Variants in CCDC88A observed in about 807,000 individuals in gnomAD.
CCDC88A encodes coiled-coil and HOOK domain protein 88A, also known as girdin.
A neutral mutation model predicts 234.3 loss-of-function variants in CCDC88A; 54 were observed. The observed-to-expected ratio is 0.23, with a 90% CI of 0.19 to 0.29. The LOEUF is 0.29. Among genes scored for constraint, CCDC88A ranks in the 10% least tolerant of loss-of-function variants. The probability of loss-of-function intolerance (pLI) is 1.00; values close to 1 mark genes in which losing one functional copy is unlikely to be tolerated. For missense variants in CCDC88A, 1,832 were observed against 2,123.4 expected, an observed-to-expected ratio of 0.86 and a Z score of 2.70; for synonymous variants, 753 against 737.8, an observed-to-expected ratio of 1.02 and a Z score of -0.33.
At chr2:55,399,330 G>C (rs919554448) in intron 2 of CCDC88A, among the ~76,000 whole-genome samples, 3 of 151,848 alleles carry the variant, frequency 2.0e-5, no homozygotes, top group Non-Finnish European at 2.9e-5. Flanking sequence ...TTCAAGACCA[G>C]CCTGGCCAAG....
rs866138534 is a variant in CCDC88A, at chr2:55,374,841, A to C, written c.316T>G (p.Leu106Val). 12 of 1,608,670 alleles carry C rather than the reference A, an allele frequency of 7.5e-6. 1 individual carries two copies. Among genetic ancestry groups the C allele is most frequent in the African/African-American group, 4.0e-5 (3 of 74,868 alleles). Residue 106 changes from leucine to valine, a missense_variant, in exon 4 of 33, where the codon TTA becomes GTA. This residue lies in a region of CCDC88A where 84 missense variants were observed against 80.9 expected (regional missense o/e 1.04). Coordinates refer to ENST00000436346, the MANE Select transcript of CCDC88A (RefSeq NM_001365480.1). Reference protein sequence around the residue: ...QLIMMSLPNVLIIGKNPFSEQ... With the variant: ...QLIMMSLPNVVIIGKNPFSEQ... ...GAAAAGGGATTTTTGCCAATGATTA[A>C]GACATTTGGCAACGACATCATGATC... is the stretch of plus-strand genomic sequence containing the variant.
rs748338045 is a variant in CCDC88A at position 55,355,598 on chromosome 2, T to G, written c.781A>C (p.Arg261=). The G allele has an allele frequency of 2.5e-6, 4 of 1,614,106 alleles. No individual in the cohort carries two copies. Among genetic ancestry groups the G allele is most frequent in the Admixed American group, 3.3e-5 (2 of 60,028 alleles). The change falls in exon 8 of 33, where the codon AGA becomes CGA. Residue 261 remains arginine, a synonymous_variant. Coordinates refer to ENST00000436346, the MANE Select transcript of CCDC88A (RefSeq NM_001365480.1). ...ACTTACAATTCCTGCCTAAGCCTTCTTATCTTGGCTTTAGCATCTGCCAGT... is the reference window on the plus strand; with the variant it reads ...ACTTACAATTCCTGCCTAAGCCTTCGTATCTTGGCTTTAGCATCTGCCAGT... ...VELADAKAKI[R]RLRQELEEKT...
chr2:55,383,545 C>T (rs1346207116), intron 3 of CCDC88A, among the ~76,000 whole-genome samples: 2 of 151,374 alleles, frequency 1.3e-5, no homozygotes, highest in Non-Finnish European at 2.9e-5. Flanking sequence ...ATCGCTTGAA[C>T]CCGGGAGGCG....
chr2:55,299,062 G>T (rs1199214850), intron 29 of CCDC88A, among the ~76,000 whole-genome samples: 1 of 152,020 alleles, frequency 6.6e-6, no homozygotes, highest in Non-Finnish European at 1.5e-5. Context: ...TTAGCTGGGT[G>T]TGGTGGTCGT....
intron 17 of CCDC88A, 187 bp from the exon 18 acceptor site, chr2:55,322,879 T>A (rs1322759088): frequency 1.5e-5 from 6 of 399,198 alleles, no homozygotes; most frequent in Non-Finnish European, 1.8e-5. Flanking sequence ...ATATAAAACA[T>A]ACTCTACTTA....
At chr2:55,381,552 CAA>C (rs5831359) in intron 3 of CCDC88A, among the ~76,000 whole-genome samples, 4 of 93,416 alleles carry the variant, frequency 4.3e-5, no homozygotes, top group Non-Finnish European at 5.8e-5. Context: ...GACCCTGTCT[CAA>C]AAAAAAAAAA....
At chr2:55,337,957 G>C (rs868469838) in intron 13 of CCDC88A, among the ~76,000 whole-genome samples, 1 of 152,126 alleles carries the variant, frequency 6.6e-6, no homozygotes, top group Non-Finnish European at 1.5e-5. Context: ...GAAGCTTTCA[G>C]CTGTGAATAA....
intron 12 of CCDC88A, among the ~76,000 whole-genome samples, chr2:55,340,884 T>A (rs1195499150): frequency 2.6e-5 from 4 of 152,210 alleles, no homozygotes; most frequent in Non-Finnish European, 5.9e-5. Flanking sequence ...ATAGTCACTA[T>A]GATACACAAT....
At chr2:55,293,342 A>G (rs1215688405) in intron 31 of CCDC88A, among the ~76,000 whole-genome samples, 2 of 152,174 alleles carry the variant, frequency 1.3e-5, no homozygotes, top group Non-Finnish European at 2.9e-5. Flanking sequence ...GAAAAAACAA[A>G]AGGGAAAATA....
chr2:55,374,236 A>AC (rs1323211328), intron 4 of CCDC88A, among the ~76,000 whole-genome samples: 1 of 152,036 alleles, frequency 6.6e-6, no homozygotes, highest in Non-Finnish European at 1.5e-5. Flanking sequence ...TAGCATGGTG[A>AC]CCACGCCTAT....
chr2:55,419,087 A>AG lies in CCDC88A; in HGVS notation c.-9dup, dbSNP rs777850639. ...AAAAATTTCGTTCTCCATTTTACAG[A>AG]GTATGTATTTGAAAAAAGGAACTAC... On this transcript the variant is annotated 5_prime_UTR_variant, in exon 1 of 33. Transcript: ENST00000436346. 1.3e-6 allele frequency: 2 copies of AG among 1,594,224 alleles called. No homozygotes were observed. Among genetic ancestry groups the AG allele is most frequent in the Admixed American group, 3.4e-5 (2 of 59,670 alleles).
Position 55,349,500 on chromosome 2 carries a change from G to A in CCDC88A, c.882+18C>T, listed in dbSNP as rs777180933. 1.9e-6 allele frequency: 3 copies of A among 1,563,058 alleles called. No individual in the cohort carries two copies. Among genetic ancestry groups the A allele is most frequent in the African/African-American group, 2.7e-5 (2 of 73,602 alleles). On this transcript the variant is annotated intron_variant, in intron 9 of 32. Transcript: ENST00000436346. ...AATTACTTGGTGGTCCTAAATAACA[G>A]ATATTCCAGGTACAAACCTCTTGTT...
intron 7 of CCDC88A, chr2:55,356,946 A>G (rs1670660692): frequency 6.6e-6 from 1 of 152,234 alleles, no homozygotes; most frequent in South Asian, 2.1e-4. Flanking sequence ...CCTTAGTCAC[A>G]CTAGCCACAT....
At chr2:55,351,491 C>T (rs1669879459) in intron 8 of CCDC88A, among the ~76,000 whole-genome samples, 2 of 152,058 alleles carry the variant, frequency 1.3e-5, no homozygotes, top group South Asian at 4.1e-4. Flanking sequence ...GGACCACAGG[C>T]ACATGCCACC....
At chr2:55,344,021 C>T (rs1668806846) in intron 11 of CCDC88A, 4 of 411,214 alleles carry the variant, frequency 9.7e-6, no homozygotes, top group Admixed American at 4.2e-5. Context: ...AATTCTTCTT[C>T]ATAGTCAACA....
intron 2 of CCDC88A, among the ~76,000 whole-genome samples, chr2:55,395,618 G>GT (rs1405243523): frequency 1.3e-5 from 2 of 152,194 alleles, no homozygotes; most frequent in Non-Finnish European, 2.9e-5. Flanking sequence ...TAAGCATAGT[G>GT]TTTTTTAAAC....
At chr2:55,323,065 A>C (rs1683828925) in intron 17 of CCDC88A, 1 of 155,504 alleles carries the variant, frequency 6.4e-6, no homozygotes, top group African/African-American at 2.4e-5. Flanking sequence ...ACACTTTATT[A>C]ATTTTAAGGA....
intron 2 of CCDC88A, among the ~76,000 whole-genome samples, chr2:55,390,053 A>AAAAAAAAAAAAAAAAAAAAACAG (rs377022377): frequency 1.3e-5 from 1 of 79,770 alleles, no homozygotes; most frequent in Non-Finnish European, 2.3e-5. Context: ...AAAAAAATAA[A>AAAAAAAAAAAAAAAAAAAAACAG]AAATAAAGAT....
intron 2 of CCDC88A, among the ~76,000 whole-genome samples, chr2:55,407,571 C>T (rs1222491111): frequency 6.6e-6 from 1 of 151,082 alleles, no homozygotes; most frequent in African/African-American, 2.4e-5. Context: ...CATCACTGCA[C>T]TCCAGCCTGG....
Sources: gnomAD v4.1 joint callset for allele counts (sites outside exome capture counted in the v4.1 genomes callset) on GRCh38, gnomAD v4.1.1 for gene constraint, gnomAD v4.1.1 regional missense constraint, MANE v1.5 for transcripts, NCBI Gene and HGNC (gene_info 2026-07-23, HGNC 2026-07-21) for gene names.